The following SNX24 variants were observed in gnomAD, a reference collection of about 807,000 sequenced individuals.
SNX24 encodes the protein sorting nexin-24.
Under a neutral mutation model 28.7 loss-of-function variants are expected in SNX24, and 22 were observed. The observed-to-expected ratio is 0.77, with a 90% confidence interval of 0.55 to 1.10. SNX24 has a LOEUF of 1.10. Among genes scored for constraint, SNX24 ranks in the 50% least tolerant of loss-of-function variants. The pLI is 0.00. For missense variants in SNX24, 221 were observed against 201.1 expected (o/e 1.10, Z -0.60); for synonymous variants, 69 against 71.5 (o/e 0.96, Z 0.18).
intron 4 of SNX24, among the ~76,000 whole-genome samples, 155 bp downstream of exon 4, chr5:123,000,161 T>G (rs546804012): frequency 6.6e-6 from 1 of 152,348 alleles, no homozygotes; most frequent in Admixed American, 6.5e-5. Context: ...TGCTTTTGGT[T>G]AAAAGAATTC....
intron 1 of SNX24, among the ~76,000 whole-genome samples, chr5:122,927,472 A>C (rs1448548145): frequency 6.6e-6 from 1 of 152,192 alleles, no homozygotes; most frequent in African/African-American, 2.4e-5. Context: ...TTTTGGGGAC[A>C]CAATTCATTT....
Position 122,891,191 on chromosome 5 carries a change from T to A in SNX24, c.60+45498T>A, listed in dbSNP as rs551642099. ...TTTTTTGTTTTTTTTCCTAAGTAGT[T>A]TATTTTTCTGGTTGAAATGGTTTAG... On this transcript the variant is annotated intron_variant, in intron 1 of 6. Transcript: ENST00000261369. 715 of 1,330,302 alleles carry A rather than the reference T, an allele frequency of 5.4e-4. 17 individuals are homozygous for A. The South Asian group carries it at 0.014, about 27-fold the overall frequency. The allele number at this position is 1,330,302 out of a possible 1,614,324, so 82.4% of individuals were successfully genotyped here.
intron 5 of SNX24, among the ~76,000 whole-genome samples, chr5:123,021,961 C>T (rs1485003773): frequency 2.6e-5 from 4 of 152,188 alleles, no homozygotes; most frequent in Non-Finnish European, 5.9e-5. Context: ...CCTCCAGAGG[C>T]CCAAGAGAAC....
intron 6 of SNX24, among the ~76,000 whole-genome samples, chr5:123,004,332 G>A (rs1762348204): frequency 6.6e-6 from 1 of 152,274 alleles, no homozygotes; most frequent in African/African-American, 2.4e-5. Flanking sequence ...AAAGTCCCCA[G>A]TGATTTCAGT....
At chr5:122,873,760 CTTTTTTT>C (rs909560379) in intron 1 of SNX24, among the ~76,000 whole-genome samples, 1 of 120,642 alleles carries the variant, frequency 8.3e-6, no homozygotes, top group Non-Finnish European at 1.7e-5. Context: ...CAAAGGGAAT[CTTTTTTT>C]TTTTTTTTTT....
chr5:122,933,115 T>C (rs1001855937), intron 1 of SNX24, among the ~76,000 whole-genome samples: 1 of 152,172 alleles, frequency 6.6e-6, no homozygotes, highest in East Asian at 1.9e-4. Context: ...TGGAAACAAT[T>C]TGATCTCTTC....
intron 1 of SNX24, among the ~76,000 whole-genome samples, chr5:122,875,543 C>A (rs545380110): frequency 6.6e-6 from 1 of 152,100 alleles, no homozygotes; most frequent in Admixed American, 6.5e-5. Flanking sequence ...CTCCTTTGTA[C>A]GGGGGAGTGG....
chr5:122,922,544 C>T (rs1205574344), intron 1 of SNX24, among the ~76,000 whole-genome samples: 3 of 152,002 alleles, frequency 2.0e-5, no homozygotes, highest in Non-Finnish European at 2.9e-5. Flanking sequence ...TGAGCCACCT[C>T]GCCTGGCATT....
intron 1 of SNX24, among the ~76,000 whole-genome samples, chr5:122,851,609 A>G (rs916167990): frequency 6.6e-6 from 1 of 152,238 alleles, no homozygotes. Flanking sequence ...TTTACTTAAT[A>G]AACACTTAGA....
At chr5:122,938,604 G>A (rs918867048) in intron 2 of SNX24, among the ~76,000 whole-genome samples, 19 of 152,126 alleles carry the variant, frequency 1.2e-4, no homozygotes, top group Non-Finnish European at 2.8e-4. Flanking sequence ...TCCTTTACTT[G>A]CCCCCTTGTG....
intron 1 of SNX24, among the ~76,000 whole-genome samples, chr5:122,884,980 G>C (rs1431988919): frequency 6.6e-6 from 1 of 152,184 alleles, no homozygotes; most frequent in Non-Finnish European, 1.5e-5. Context: ...GGACCCGTTG[G>C]CCATTTCAGA....
intron 3 of SNX24, among the ~76,000 whole-genome samples, chr5:122,986,854 T>TGGGG (rs1761624878): frequency 1.9e-4 from 1 of 5,298 alleles, no homozygotes; most frequent in Non-Finnish European, 3.7e-4. Context: ...GGTGGGTGGG[T>TGGGG]GGGTGGGTGG....
intron 6 of SNX24, among the ~76,000 whole-genome samples, chr5:123,003,243 T>C (rs1472366597): frequency 1.3e-5 from 2 of 152,128 alleles, no homozygotes; most frequent in Non-Finnish European, 2.9e-5. Context: ...GAGGGACCCT[T>C]CCTAGTAGCA....
At chr5:122,999,312 T>G (rs1762159914) in intron 3 of SNX24, among the ~76,000 whole-genome samples, 1 of 152,138 alleles carries the variant, frequency 6.6e-6, no homozygotes, top group Non-Finnish European at 1.5e-5. Context: ...TACTGACCCT[T>G]TAAGTGGAGC....
At chr5:122,865,324 TTATTTTTATGTATTTA>T (rs1755664801) in intron 1 of SNX24, among the ~76,000 whole-genome samples, 1 of 114,794 alleles carries the variant, frequency 8.7e-6, no homozygotes, top group Non-Finnish European at 1.7e-5. Flanking sequence ...TGCTTTTTAT[TTATTTTTATGTATTTA>T]TATTTTTTGA....
At chr5:122,856,439 C>T (rs897477285) in intron 1 of SNX24, among the ~76,000 whole-genome samples, 1 of 137,422 alleles carries the variant, frequency 7.3e-6, no homozygotes, top group Non-Finnish European at 1.7e-5. Context: ...AACATATATG[C>T]GTATGTGGCT....
intron 1 of SNX24, among the ~76,000 whole-genome samples, chr5:122,894,425 T>A (rs1757114722): frequency 6.6e-6 from 1 of 151,916 alleles, no homozygotes; most frequent in Non-Finnish European, 1.5e-5. Flanking sequence ...TCCCCAATTA[T>A]TTTTTTTGGT....
intron 3 of SNX24, among the ~76,000 whole-genome samples, chr5:122,988,147 A>G (rs58865795): frequency 0.37 from 55,844 of 151,790 alleles, 11,094 homozygotes; most frequent in African/African-American, 0.5. Flanking sequence ...CTGGCCAACT[A>G]GAGTGGTTAA....
chr5:122,877,307 G>A (rs1272785454), intron 1 of SNX24, among the ~76,000 whole-genome samples: 1 of 152,144 alleles, frequency 6.6e-6, no homozygotes, highest in East Asian at 1.9e-4. Context: ...AAGAAAACAA[G>A]GCTGTACAGA....
Sources: gnomAD v4.1 joint callset for allele counts (sites outside exome capture counted in the v4.1 genomes callset) on GRCh38, gnomAD v4.1.1 for gene constraint, MANE v1.5 for transcripts, NCBI Gene and HGNC (gene_info 2026-07-23, HGNC 2026-07-21) for gene names.